The following ZNF202 variants were observed in gnomAD, a reference collection of about 807,000 sequenced individuals.
The protein encoded by ZNF202 is zinc finger protein with KRAB and SCAN domains 10.
In ZNF202, 22 loss-of-function variants were observed where a neutral mutation model predicts 54.5. That is an observed-to-expected ratio of 0.40 (90% CI 0.29 to 0.58). The LOEUF (loss-of-function observed/expected upper bound fraction) is 0.58, where lower values mean the gene tolerates loss of function less well. ZNF202 is among the 20% of genes least tolerant of loss of function. The pLI is 0.39. For missense variants in ZNF202, 644 were observed against 805.5 expected, an observed-to-expected ratio of 0.80 and a Z score of 2.43; for synonymous variants, 294 against 301.4, an observed-to-expected ratio of 0.98 and a Z score of 0.26.
At chr11:123,733,473 G>C (rs1198365625) in intron 3 of ZNF202, among the ~76,000 whole-genome samples, 1 of 151,838 alleles carries the variant, frequency 6.6e-6, no homozygotes, top group African/African-American at 2.4e-5. Flanking sequence ...TTTTTACTTT[G>C]GGAGTCCTGA....
chr11:123,733,462 C>CT (rs1248031426), intron 3 of ZNF202, among the ~76,000 whole-genome samples: 1 of 152,082 alleles, frequency 6.6e-6, no homozygotes, highest in Non-Finnish European at 1.5e-5. Flanking sequence ...TTATGTCCAT[C>CT]TTTTTACTTT....
At chr11:123,736,675 T>C (rs553884173) in intron 3 of ZNF202, among the ~76,000 whole-genome samples, 1 of 152,342 alleles carries the variant, frequency 6.6e-6, no homozygotes, top group Admixed American at 6.5e-5. Context: ...TAATGGTTAG[T>C]GGCCTTGGCA....
At chr11:123,733,286 T>C (rs547068670) in intron 3 of ZNF202, among the ~76,000 whole-genome samples, 1 of 152,238 alleles carries the variant, frequency 6.6e-6, no homozygotes, top group Admixed American at 6.5e-5. Context: ...TTCTAATTCA[T>C]GCTCTTATGA....
chr11:123,730,477 C>T lies in ZNF202; in HGVS notation c.402+10G>A, dbSNP rs1189937917. 2 of 1,517,742 alleles carry T rather than the reference C, an allele frequency of 1.3e-6. No homozygotes were observed. The highest frequency in any genetic ancestry group is 1.8e-6 in the Non-Finnish European group (2 of 1,135,030). The allele number at this position is 1,517,742 out of a possible 1,614,324, so 94.0% of individuals were successfully genotyped here. A position where few individuals can be genotyped will look rare whatever the true frequency, so the allele number is the denominator to read the frequency against. ...TCCACATCACACAGATCAGGACTCC[C>T]CCTCCTCACCCACCGCCTTGGTCTC... On this transcript the variant is annotated intron_variant, in intron 4 of 8. Transcript: ENST00000530393. This position sits in a 1 kb window ranked among gnomAD's most constrained non-coding sequence, Gnocchi z 6.0.
chr11:123,741,206 A>G (rs1404225613), intron 1 of ZNF202, among the ~76,000 whole-genome samples: 1 of 152,130 alleles, frequency 6.6e-6, no homozygotes, highest in Non-Finnish European at 1.5e-5. Flanking sequence ...CCGGGGGGAC[A>G]GTTGGCGCGG....
At chr11:123,727,391 G>A in intron 8 of ZNF202, 85 bp downstream of exon 8, 1 of 1,574,986 alleles carries the variant, frequency 6.3e-7, no homozygotes, top group Non-Finnish European at 8.6e-7. Context: ...GAACTGATGA[G>A]AGCGGGGCCC....
chr11:123,731,038 G>T, intron 3 of ZNF202, 53 bp from the exon 4 acceptor site: 1 of 849,468 alleles, frequency 1.2e-6, no homozygotes, highest in Non-Finnish European at 1.8e-6. Flanking sequence ...CTATACACAA[G>T]GACAACAGCC....
At chr11:123,733,865 G>A (rs116948993) in intron 3 of ZNF202, among the ~76,000 whole-genome samples, 1,890 of 152,292 alleles carry the variant, frequency 0.012, 15 homozygotes, top group Non-Finnish European at 0.022. Context: ...TCAGTAGGAC[G>A]ATTTTCAAAG....
At chr11:123,735,445 C>T (rs1160887107) in intron 3 of ZNF202, among the ~76,000 whole-genome samples, 4 of 152,150 alleles carry the variant, frequency 2.6e-5, no homozygotes, top group Non-Finnish European at 5.9e-5. Flanking sequence ...ATTTCTGGTG[C>T]TTGTTTTGCA....
rs1861120992 is a variant in ZNF202 at position 123,726,135 on chromosome 11, A to T, written c.1809T>A (p.Ser603Arg). The T allele has an allele frequency of 6.2e-7, 1 of 1,614,028 alleles. No individual in the cohort carries two copies. The highest frequency in any genetic ancestry group is 1.3e-5 in the African/African-American group (1 of 74,902). Residue 603 changes from serine (S) to arginine (R), a missense_variant, in exon 9 of 9, where the codon AGT (serine) becomes AGA (arginine). Around this residue, in one of 3 missense-constraint regions of ZNF202, gnomAD observed 536 missense variants for 635.3 expected, o/e 0.84. Coordinates refer to ENST00000530393, the MANE Select transcript of ZNF202 (RefSeq NM_003455.4). This position sits in a 1 kb window ranked among gnomAD's most constrained non-coding sequence, Gnocchi z 6.0. ...GATGCCTGACGAGGTGGTCCCTGCG[A>T]CTGAAGCTCTTCCCACATTCGTTGC... ...CRCNECGKSF[S>R]RRDHLVRHQR...
At chr11:123,728,860 C>A (rs769640049) in intron 6 of ZNF202, among the ~76,000 whole-genome samples, 7 of 151,492 alleles carry the variant, frequency 4.6e-5, no homozygotes, top group African/African-American at 1.7e-4. Context: ...TTGACAACTT[C>A]GCAGTTGTAC....
At position 123,725,883 on chromosome 11, in the gene ZNF202, C is replaced by G; in HGVS notation, c.*114G>C. On this transcript the variant is annotated 3_prime_UTR_variant, in exon 9 of 9. Transcript: ENST00000530393. ...AGGAAGAGGTAATGTCAGATCTGAG[C>G]AGGTCAGGGAGACTCCCTCGAAAAG... The G allele has an allele frequency of 1.6e-6, 2 of 1,238,932 alleles. No individual in the cohort carries two copies. The highest frequency in any genetic ancestry group is 2.2e-6 in the Non-Finnish European group (2 of 912,010). 76.7% of individuals were successfully genotyped at this position (1,238,932 alleles called of 1,614,324 possible).
rs780135285 is a variant in ZNF202, at chr11:123,726,935, C to T, written c.1009G>A (p.Asp337Asn). The change falls in exon 9 of 9, where the codon GAT becomes AAT. Residue 337 changes from aspartate to asparagine, a missense_variant. Coordinates refer to ENST00000530393, the MANE Select transcript of ZNF202 (RefSeq NM_003455.4). This position sits in a 1 kb window ranked among gnomAD's most constrained non-coding sequence, Gnocchi z 6.0. ...CLEQEDLSLE[D>N]IHRPVLGEPE... ...TCTCCCAAAACAGGCCTGTGTATAT[C>T]CTCCAAACTCAGATCTTCCTGCTCC... 6.2e-7 allele frequency: 1 copy of T among 1,613,954 alleles called. No individual in the cohort carries two copies.
chr11:123,728,022 G>A lies in ZNF202; in HGVS notation c.832+111C>T, dbSNP rs566588177. On this transcript the variant is annotated intron_variant, in intron 7 of 8. Coordinates refer to ENST00000530393, the MANE Select transcript of ZNF202 (RefSeq NM_003455.4). ...ATCCCTCAATTTTATTGGTGGGGAA[G>A]GCATAAGAGAAGTTCACTGCATACA... 3.3e-6 allele frequency: 4 copies of A among 1,215,784 alleles called. No homozygotes were observed. In the African/African-American group the frequency reaches 6.2e-5, roughly 19 times the overall value. 75.3% of individuals were successfully genotyped at this position (1,215,784 alleles called of 1,614,324 possible).
chr11:123,732,028 T>C (rs1256271350), intron 3 of ZNF202, among the ~76,000 whole-genome samples: 1 of 152,172 alleles, frequency 6.6e-6, no homozygotes, highest in Non-Finnish European at 1.5e-5. Flanking sequence ...TTCCATGTCT[T>C]TTTGAAGGTT....
intron 7 of ZNF202, 53 bp from the exon 8 acceptor site, chr11:123,727,648 G>A: frequency 6.2e-7 from 1 of 1,607,840 alleles, no homozygotes; most frequent in South Asian, 1.1e-5. Context: ...AATTCCCTGT[G>A]TTAAGAGCGG....
intron 5 of ZNF202, 111 bp downstream of exon 5, chr11:123,729,504 T>A (rs1861305130): frequency 7.8e-7 from 1 of 1,283,638 alleles, no homozygotes. Context: ...GTGATGTCTT[T>A]CCATACAGTC....
In ZNF202 at chr11:123,730,428, C is replaced by T. The variant is rs1861356104; in HGVS notation, c.402+59G>A. The T allele has an allele frequency of 6.7e-7, 1 of 1,482,322 alleles. No individual in the cohort carries two copies. Among genetic ancestry groups the T allele is most frequent in the African/African-American group, 1.4e-5 (1 of 71,440 alleles). The allele number at this position is 1,482,322 out of a possible 1,614,324, so 91.8% of individuals were successfully genotyped here. A position where few individuals can be genotyped will look rare whatever the true frequency, so the allele number is the denominator to read the frequency against. Reference sequence around the variant, plus strand: ...ATCCTGCAAGCTCTCCCCGCAAATCCAGCCTTCCAGCAAATAGTCCCCCTC... The same window carrying T: ...ATCCTGCAAGCTCTCCCCGCAAATCTAGCCTTCCAGCAAATAGTCCCCCTC... On this transcript the variant is annotated intron_variant, in intron 4 of 8. Coordinates refer to ENST00000530393, the MANE Select transcript of ZNF202 (RefSeq NM_003455.4). The surrounding 1 kb of genome is among the most constrained non-coding windows in gnomAD (Gnocchi z 6.0).
At chr11:123,738,611 T>C (rs1861730154) in intron 3 of ZNF202, 1 of 152,192 alleles carries the variant, frequency 6.6e-6, no homozygotes, top group African/African-American at 2.4e-5. Context: ...ACATAGTCAA[T>C]GCCAATCAGA....
Sources: gnomAD v4.1 joint callset for allele counts (sites outside exome capture counted in the v4.1 genomes callset) on GRCh38, gnomAD v4.1.1 for gene constraint, gnomAD v4.1.1 regional missense constraint, Gnocchi (gnomAD v3.1) non-coding constraint, MANE v1.5 for transcripts, NCBI Gene and HGNC (gene_info 2026-07-23, HGNC 2026-07-21) for gene names.